Variants in WDR26 observed in about 807,000 individuals in gnomAD.
WDR26 encodes WD repeat domain 26.
A neutral mutation model predicts 84.1 loss-of-function variants in WDR26; 5 were observed. That is an observed-to-expected ratio of 0.06 (90% CI 0.03 to 0.13). The LOEUF (loss-of-function observed/expected upper bound fraction) is 0.13. WDR26 is among the 10% of genes least tolerant of loss of function. WDR26 has a pLI of 1.00. For synonymous variants in WDR26, 415 were observed against 389.6 expected, an observed-to-expected ratio of 1.07 and a Z score of -0.77; for missense variants, 642 against 974.9, an observed-to-expected ratio of 0.66 and a Z score of 4.55.
chr1:224,400,514 C>T (rs1673384066), intron 9 of WDR26, among the ~76,000 whole-genome samples: 1 of 152,058 alleles, frequency 6.6e-6, no homozygotes, highest in African/African-American at 2.4e-5. Context: ...ACGACGACAG[C>T]AAAGTAGGTG....
intron 12 of WDR26, among the ~76,000 whole-genome samples, chr1:224,396,254 AG>A (rs1673256619): frequency 6.6e-6 from 1 of 152,192 alleles, no homozygotes; most frequent in Non-Finnish European, 1.5e-5. Context: ...CTTAAAAAAA[AG>A]TTTGGCTTTT....
At chr1:224,416,169 T>C (rs539741142) in intron 6 of WDR26, among the ~76,000 whole-genome samples, 4 of 152,106 alleles carry the variant, frequency 2.6e-5, no homozygotes, top group South Asian at 4.1e-4. Flanking sequence ...TAATCAGTGG[T>C]TATTTCAGAA....
In WDR26 at chr1:224,398,739, GTTACTGA is replaced by G. The variant is rs1427016925; in HGVS notation, c.1865+143_1866-147del. The G allele has an allele frequency of 3.4e-5, 41 of 1,199,090 alleles. No homozygotes were observed. In the African/African-American group the frequency reaches 5.7e-4, roughly 17 times the overall value. 74.3% of individuals were successfully genotyped at this position (1,199,090 alleles called of 1,614,324 possible). ...TATACTTCAATTGAGAAGAATCTGA[GTTACTGA>G]TTACTAAGTACCATGTGACCTTCAA... On this transcript the variant is annotated intron_variant, in intron 10 of 13. Coordinates refer to ENST00000414423, the MANE Select transcript of WDR26 (RefSeq NM_001379403.1).
At chr1:224,417,610 G>A (rs1673945295) in intron 6 of WDR26, among the ~76,000 whole-genome samples, 1 of 152,202 alleles carries the variant, frequency 6.6e-6, no homozygotes, top group Non-Finnish European at 1.5e-5. Context: ...GAAGGCTGAG[G>A]TGAGTGGATC....
intron 7 of WDR26, among the ~76,000 whole-genome samples, chr1:224,407,469 C>T (rs2102901134): frequency 6.8e-6 from 1 of 147,258 alleles, no homozygotes; most frequent in East Asian, 2.0e-4. Flanking sequence ...AAAACACACA[C>T]ACACGTTCAA....
intron 13 of WDR26, among the ~76,000 whole-genome samples, chr1:224,393,516 G>A (rs780100130): frequency 1.2e-4 from 18 of 152,000 alleles, no homozygotes; most frequent in Non-Finnish European, 2.4e-4. Context: ...ACAATATTAC[G>A]TTTAGGTAGC....
intron 6 of WDR26, chr1:224,413,228 G>A (rs1402266757): frequency 1.1e-5 from 10 of 910,076 alleles, no homozygotes; most frequent in African/African-American, 5.4e-5. Context: ...CAAAAAAAAC[G>A]TTATTTAAAC....
intron 1 of WDR26, 150 bp downstream of exon 1, chr1:224,433,534 C>CTCCTGTGTACTGGG: frequency 1.9e-6 from 2 of 1,057,974 alleles, no homozygotes; most frequent in Non-Finnish European, 2.5e-6. Context: ...GAGCCGCGTC[C>CTCCTGTGTACTGGG]TCCTGTGTAC....
At position 224,419,546 on chromosome 1, in the gene WDR26, G is replaced by C. The variant is rs1673997162; in HGVS notation, c.1134C>G (p.Ser378=). 7 of 1,613,970 alleles carry C rather than the reference G, an allele frequency of 4.3e-6. No individual in the cohort carries two copies. The highest frequency in any genetic ancestry group is 5.9e-6 in the Non-Finnish European group (7 of 1,179,916). The change falls in exon 5 of 14, where the codon TCC becomes TCG. Residue 378 remains serine (S), a synonymous_variant. Transcript: ENST00000414423. ...GAAGTTTATCCAATAGTTTAGATCG[G>C]GAAGCTGTCCCTTTGCCTTCCCATT...
At chr1:224,400,255 C>T (rs1236666012) in intron 9 of WDR26, among the ~76,000 whole-genome samples, 1 of 148,658 alleles carries the variant, frequency 6.7e-6, no homozygotes. Context: ...TTTTATTATT[C>T]AAATATTAAA....
chr1:224,397,924 T>C (rs1023110532), intron 12 of WDR26, 173 bp downstream of exon 12: 8 of 716,590 alleles, frequency 1.1e-5, no homozygotes, highest in Admixed American at 3.5e-5. Flanking sequence ...ATGTGACAAT[T>C]TGTGATAATA....
At chr1:224,417,664 C>G (rs1290474733) in intron 6 of WDR26, among the ~76,000 whole-genome samples, 1 of 152,194 alleles carries the variant, frequency 6.6e-6, no homozygotes, top group African/African-American at 2.4e-5. Flanking sequence ...CATGCCACTG[C>G]ACTCTATCCT....
chr1:224,426,372 G>A (rs946221400), intron 3 of WDR26, among the ~76,000 whole-genome samples: 1 of 152,088 alleles, frequency 6.6e-6, no homozygotes, highest in Non-Finnish European at 1.5e-5. Context: ...AGTTAGGCAT[G>A]TATTTAAATT....
Position 224,398,839 on chromosome 1 carries a change from T to C in WDR26, c.1865+50A>G, listed in dbSNP as rs772114269. 12 of 1,604,372 alleles carry C rather than the reference T, an allele frequency of 7.5e-6. No individual in the cohort carries two copies. Among genetic ancestry groups the C allele is most frequent in the Admixed American group, 3.4e-5 (2 of 57,972 alleles). ...TGAAAAGGCAAGTTCCACTACACAT[T>C]TGAATATAAATCAGGTAATTGTTGT... On this transcript the variant is annotated intron_variant, in intron 10 of 13. Transcript: ENST00000414423.
intron 8 of WDR26, 25 bp downstream of exon 8, chr1:224,404,405 T>G: frequency 6.2e-7 from 1 of 1,610,248 alleles, no homozygotes; most frequent in Non-Finnish European, 8.5e-7. Context: ...ACTTAAAAGC[T>G]CAACCAAAGA....
chr1:224,390,719 G>A (rs900604326), intron 13 of WDR26, among the ~76,000 whole-genome samples: 5 of 152,006 alleles, frequency 3.3e-5, no homozygotes, highest in Middle Eastern at 3.2e-3. Context: ...GCAGTGAGCC[G>A]AGATTGCACC....
In WDR26 at chr1:224,401,010, A is replaced by G. The variant is rs1318030613; in HGVS notation, c.1659T>C (p.Ala553=). 1.2e-6 allele frequency: 2 copies of G among 1,614,160 alleles called. No individual in the cohort carries two copies. The highest frequency in any genetic ancestry group is 2.2e-5 in the South Asian group (2 of 91,084). The stretch of plus-strand genomic sequence containing the variant: ...CAAAGCGCTTCCCATCTGGATTCCA[A>G]GCCACACTTGTCAAACTGTCTTCAT... The change falls in exon 9 of 14, where the codon GCT becomes GCC. Residue 553 remains alanine, a synonymous_variant. Coordinates refer to ENST00000414423, the MANE Select transcript of WDR26 (RefSeq NM_001379403.1).
rs373648084 is a variant in WDR26 at position 224,389,789 on chromosome 1, C to T, written c.*46G>A. The T allele has an allele frequency of 1.9e-6, 3 of 1,557,692 alleles. No homozygotes were observed. Among genetic ancestry groups the T allele is most frequent in the Non-Finnish European group, 2.6e-6 (3 of 1,132,870 alleles). On this transcript the variant is annotated 3_prime_UTR_variant, in exon 14 of 14. Transcript: ENST00000414423. Reference sequence around the variant, plus strand: ...CACCAAATCCCAAGCCATTAAAATACGACTAATTTTAAGTTAAACAGAAGT... The same window carrying T: ...CACCAAATCCCAAGCCATTAAAATATGACTAATTTTAAGTTAAACAGAAGT...
chr1:224,404,507 C>T lies in WDR26; in HGVS notation c.1522G>A (p.Ala508Thr). ...AGATAGTTGTCATCTGGACTCCATG[C>T]AATATAAGAAACGCCATAAGCATGT... is the stretch of plus-strand genomic sequence containing the variant. The change falls in exon 8 of 14, where the codon GCA (alanine) becomes ACA (threonine). Residue 508 changes from alanine to threonine, a missense_variant. Around this residue, in one of 2 missense-constraint regions of WDR26, gnomAD observed 351 missense variants for 672.8 expected, o/e 0.52. Coordinates refer to ENST00000414423, the MANE Select transcript of WDR26 (RefSeq NM_001379403.1). 1.2e-6 allele frequency: 2 copies of T among 1,614,070 alleles called. No individual in the cohort carries two copies. Among genetic ancestry groups the T allele is most frequent in the Non-Finnish European group, 1.7e-6 (2 of 1,179,976 alleles).
Sources: gnomAD v4.1 joint callset for allele counts (sites outside exome capture counted in the v4.1 genomes callset) on GRCh38, gnomAD v4.1.1 for gene constraint, gnomAD v4.1.1 regional missense constraint, MANE v1.5 for transcripts, NCBI Gene and HGNC (gene_info 2026-07-23, HGNC 2026-07-21) for gene names.